Variants in FHOD3 observed in about 807,000 individuals in gnomAD.
FHOD3 encodes the protein formin homology 2 domain containing 3.
In FHOD3, 90 loss-of-function variants were observed where a neutral mutation model predicts 173.0. That is an observed-to-expected ratio of 0.52 (90% CI 0.44 to 0.62). The LOEUF (loss-of-function observed/expected upper bound fraction) is 0.62, where lower values mean the gene tolerates loss of function less well. Among genes scored for constraint, FHOD3 ranks in the 20% least tolerant of loss-of-function variants. The pLI is 0.00. For synonymous variants in FHOD3, 828 were observed against 823.0 expected (o/e 1.01, Z -0.10); for missense variants, 1,945 against 2,034.7 (o/e 0.96, Z 0.85).
intron 3 of FHOD3, among the ~76,000 whole-genome samples, chr18:36,479,019 A>G (rs1599307114): frequency 6.6e-6 from 1 of 152,340 alleles, no homozygotes; most frequent in East Asian, 1.9e-4. Flanking sequence ...TCAACTTCAG[A>G]TAGTCAAGTG....
At chr18:36,624,185 G>A (rs1440446962) in intron 9 of FHOD3, among the ~76,000 whole-genome samples, 2 of 152,136 alleles carry the variant, frequency 1.3e-5, no homozygotes, top group Non-Finnish European at 2.9e-5. Flanking sequence ...GAATGGATAG[G>A]GGAAGGCAGT....
chr18:36,620,045 A>G (rs1285336440), intron 9 of FHOD3, among the ~76,000 whole-genome samples: 1 of 152,200 alleles, frequency 6.6e-6, no homozygotes, highest in Non-Finnish European at 1.5e-5. Flanking sequence ...AAGCAAGGTG[A>G]TCCTCCTGAA....
intron 1 of FHOD3, among the ~76,000 whole-genome samples, chr18:36,343,863 C>G (rs1440968426): frequency 1.3e-5 from 2 of 152,014 alleles, no homozygotes; most frequent in Non-Finnish European, 2.9e-5. Context: ...CATGAAGTGT[C>G]TAGAGTAGGC....
rs918505535 is a variant in FHOD3, at chr18:36,389,355, G to A, written c.337+16611G>A. ...CGCCATTGTGGTGCCTTTTATCCTG[G>A]GATTCCCATTGCTGGGCCTTTGTCA... On this transcript the variant is annotated intron_variant, in intron 3 of 28. Transcript: ENST00000590592. Among the ~76,000 whole-genome samples the A allele has an allele frequency of 1.8e-4, 27 of 152,292 alleles. 1 individual carries two copies. The highest frequency in any genetic ancestry group is 6.3e-4 in the African/African-American group (26 of 41,556).
intron 16 of FHOD3, among the ~76,000 whole-genome samples, chr18:36,692,033 G>A (rs936232053): frequency 6.6e-6 from 1 of 152,214 alleles, no homozygotes; most frequent in Admixed American, 6.5e-5. Flanking sequence ...ACTTCCAGCT[G>A]TGGTGGTCAA....
chr18:36,758,194 C>T (rs2042714870), intron 25 of FHOD3, among the ~76,000 whole-genome samples: 1 of 152,188 alleles, frequency 6.6e-6, no homozygotes, highest in African/African-American at 2.4e-5. Context: ...TTGGATGAGG[C>T]AGCGTGGAAT....
intron 3 of FHOD3, among the ~76,000 whole-genome samples, chr18:36,501,703 G>A (rs1231607579): frequency 6.6e-6 from 1 of 151,914 alleles, no homozygotes; most frequent in Non-Finnish European, 1.5e-5. Context: ...CAAAAGGGCA[G>A]GCCCCAAATC....
intron 4 of FHOD3, among the ~76,000 whole-genome samples, chr18:36,510,369 T>C (rs1417167673): frequency 6.6e-6 from 1 of 152,226 alleles, no homozygotes; most frequent in African/African-American, 2.4e-5. Context: ...AAGATTTTTT[T>C]CCACATTAAT....
intron 6 of FHOD3, among the ~76,000 whole-genome samples, chr18:36,581,742 A>G (rs923140043): frequency 6.6e-6 from 1 of 152,104 alleles, no homozygotes; most frequent in Admixed American, 6.6e-5. Context: ...ACATTAGAGA[A>G]CCTATGAGCC....
chr18:36,398,450 G>A lies in FHOD3; in HGVS notation c.337+25706G>A, dbSNP rs113132231. 1.3e-3 allele frequency among the ~76,000 whole-genome samples: 200 copies of A among 152,306 alleles called. 2 individuals are homozygous for A. The highest frequency in any genetic ancestry group is 4.5e-3 in the African/African-American group (188 of 41,558). ...ATATATACCCAAGCATGGAATTGCT[G>A]GATCATGTTGTAATTCTATAACCAC... On this transcript the variant is annotated intron_variant, in intron 3 of 28. Transcript: ENST00000590592.
intron 10 of FHOD3, among the ~76,000 whole-genome samples, chr18:36,636,702 G>T (rs1057324086): frequency 6.8e-6 from 1 of 147,954 alleles, no homozygotes; most frequent in Non-Finnish European, 1.5e-5. Context: ...TTATAAACAT[G>T]AGATTAAAAA....
intron 3 of FHOD3, among the ~76,000 whole-genome samples, chr18:36,453,751 G>A (rs374297221): frequency 7.9e-5 from 12 of 152,164 alleles, no homozygotes; most frequent in African/African-American, 2.4e-4. Flanking sequence ...ACAGGCAGAG[G>A]CTGGGAGCAA....
At chr18:36,521,049 A>C (rs2056248107) in intron 5 of FHOD3, among the ~76,000 whole-genome samples, 1 of 152,252 alleles carries the variant, frequency 6.6e-6, no homozygotes, top group African/African-American at 2.4e-5. Flanking sequence ...TGATAGAAGA[A>C]AATGTCAACA....
intron 3 of FHOD3, among the ~76,000 whole-genome samples, chr18:36,377,379 C>T (rs1007356270): frequency 2.8e-5 from 4 of 141,162 alleles, no homozygotes; most frequent in African/African-American, 1.0e-4. Flanking sequence ...GGGAGGCCCC[C>T]CTCTAGCTTC....
intron 5 of FHOD3, among the ~76,000 whole-genome samples, chr18:36,529,942 T>A (rs2056710512): frequency 6.6e-6 from 1 of 151,990 alleles, no homozygotes; most frequent in Admixed American, 6.6e-5. Context: ...CGACAGGCTC[T>A]GTGAGGGTTC....
intron 10 of FHOD3, among the ~76,000 whole-genome samples, chr18:36,634,935 T>C (rs143991463): frequency 1.3e-5 from 2 of 152,342 alleles, no homozygotes; most frequent in East Asian, 1.9e-4. Context: ...CCATTGGTAC[T>C]ATGAGTGGCA....
At chr18:36,656,989 C>T (rs2036470653) in intron 13 of FHOD3, among the ~76,000 whole-genome samples, 1 of 152,186 alleles carries the variant, frequency 6.6e-6, no homozygotes, top group African/African-American at 2.4e-5. Flanking sequence ...ATATAAATAA[C>T]TATAAGGTTA....
intron 2 of FHOD3, among the ~76,000 whole-genome samples, chr18:36,366,693 T>C (rs2046914202): frequency 6.6e-6 from 1 of 152,198 alleles, no homozygotes; most frequent in African/African-American, 2.4e-5. Context: ...AAGTTAATCT[T>C]AGCTAGCACT....
At chr18:36,331,957 G>T (rs1421196799) in intron 1 of FHOD3, among the ~76,000 whole-genome samples, 1 of 152,150 alleles carries the variant, frequency 6.6e-6, no homozygotes, top group Non-Finnish European at 1.5e-5. Flanking sequence ...AGAGGTGATC[G>T]CTGGGCTGTT....
Sources: gnomAD v4.1 joint callset for allele counts (sites outside exome capture counted in the v4.1 genomes callset) on GRCh38, gnomAD v4.1.1 for gene constraint, MANE v1.5 for transcripts, NCBI Gene and HGNC (gene_info 2026-07-23, HGNC 2026-07-21) for gene names.